MITF: variants seen among roughly 807,000 people sequenced by gnomAD.
The protein encoded by MITF is melanocyte inducing transcription factor.
In MITF, 17 loss-of-function variants were observed where a neutral mutation model predicts 60.5. The observed-to-expected ratio is 0.28, with a 90% CI of 0.19 to 0.42. The LOEUF is 0.42. Ranked by LOEUF, MITF falls within the 10% of genes least tolerant of loss-of-function variation. MITF has a pLI of 1.00. For missense variants in MITF, 622 were observed against 683.5 expected, an observed-to-expected ratio of 0.91 and a Z score of 1.00; for synonymous variants, 260 against 248.5, an observed-to-expected ratio of 1.05 and a Z score of -0.43.
At chr3:69,893,191 G>T (rs1413629373) in intron 2 of MITF, among the ~76,000 whole-genome samples, 2 of 152,170 alleles carry the variant, frequency 1.3e-5, no homozygotes, top group Non-Finnish European at 2.9e-5. Context: ...GAGAAGAAAA[G>T]GAGAAATCAC....
chr3:69,889,025 G>GTTTTTTTTTTTTTTTT (rs4057977), intron 2 of MITF, among the ~76,000 whole-genome samples: 2 of 58,816 alleles, frequency 3.4e-5, no homozygotes, highest in Admixed American at 2.2e-4. Flanking sequence ...ATAGCCTTTG[G>GTTTTTTTTTTTTTTTT]TTTTTTTTTT....
At chr3:69,768,427 C>T (rs2062336074) in intron 1 of MITF, among the ~76,000 whole-genome samples, 13 of 152,158 alleles carry the variant, frequency 8.5e-5, no homozygotes, top group Admixed American at 8.5e-4. Context: ...ATGAGGATTC[C>T]CATAAGTAAA....
At chr3:69,775,386 A>G (rs1025876428) in intron 1 of MITF, among the ~76,000 whole-genome samples, 5 of 152,170 alleles carry the variant, frequency 3.3e-5, no homozygotes, top group African/African-American at 9.7e-5. Flanking sequence ...AGCTGAGGGT[A>G]ACAACTGTTA....
chr3:69,815,989 C>A (rs1013185433), intron 1 of MITF, among the ~76,000 whole-genome samples: 10 of 152,142 alleles, frequency 6.6e-5, no homozygotes, highest in Admixed American at 5.2e-4. Context: ...CTCTACAGAA[C>A]ACTCCTGGTG....
intron 5 of MITF, among the ~76,000 whole-genome samples, chr3:69,941,696 G>C (rs974073024): frequency 6.6e-6 from 1 of 152,124 alleles, no homozygotes; most frequent in Admixed American, 6.6e-5. Flanking sequence ...GAAAAAGTTG[G>C]TTCAGTTTTT....
At chr3:69,960,142 AC>A (rs79294064) in intron 9 of MITF, among the ~76,000 whole-genome samples, 8,025 of 152,238 alleles carry the variant, frequency 0.053, 485 homozygotes, top group African/African-American at 0.15. Context: ...TACTGACTAT[AC>A]CACGTTAAAC....
intron 1 of MITF, among the ~76,000 whole-genome samples, chr3:69,796,233 G>T (rs1167351905): frequency 6.6e-6 from 1 of 151,992 alleles, no homozygotes; most frequent in African/African-American, 2.4e-5. Context: ...TGCCTGCCTC[G>T]GCCTCCTAAA....
At chr3:69,862,988 C>G (rs1483555567) in intron 1 of MITF, among the ~76,000 whole-genome samples, 3 of 151,968 alleles carry the variant, frequency 2.0e-5, no homozygotes, top group Non-Finnish European at 4.4e-5. Context: ...ATCTCTCTTT[C>G]CCTCTGTGTG....
At chr3:69,821,690 T>TAAAAAAAA (rs72371556) in intron 1 of MITF, among the ~76,000 whole-genome samples, 3 of 113,232 alleles carry the variant, frequency 2.6e-5, no homozygotes, top group Non-Finnish European at 5.3e-5. Flanking sequence ...AAAAAAAAAC[T>TAAAAAAAA]AAAAAAAAAA....
At chr3:69,845,847 C>T (rs1334879723) in intron 1 of MITF, among the ~76,000 whole-genome samples, 5 of 152,130 alleles carry the variant, frequency 3.3e-5, no homozygotes, top group Non-Finnish European at 7.3e-5. Flanking sequence ...CTTTAATGTC[C>T]CTCTTAGAGC....
intron 1 of MITF, among the ~76,000 whole-genome samples, chr3:69,785,271 A>AAGCAGCAGC (rs35669744): frequency 6.6e-6 from 1 of 151,250 alleles, no homozygotes; most frequent in African/African-American, 2.4e-5. Context: ...AAATAACAGC[A>AAGCAGCAGC]AGCAGCAGCA....
intron 2 of MITF, among the ~76,000 whole-genome samples, chr3:69,907,185 T>C (rs890953559): frequency 1.3e-5 from 2 of 152,156 alleles, no homozygotes; most frequent in Non-Finnish European, 2.9e-5. Flanking sequence ...ATGAAAGGGA[T>C]TCAAACTTGA....
At chr3:69,779,162 C>G (rs1437487895) in intron 1 of MITF, 1 of 152,190 alleles carries the variant, frequency 6.6e-6, no homozygotes, top group African/African-American at 2.4e-5. Flanking sequence ...AGCTAACAGT[C>G]ATTCTGAGGC....
rs558477464 is a variant in MITF, at chr3:69,873,218, C to T, written c.105-5916C>T. ...GTTACACTCCCAGCTATTTTAAGTA[C>T]GAGGGATGATATAGTTTCTTATTAG... On this transcript the variant is annotated intron_variant, in intron 1 of 9. Coordinates refer to ENST00000352241, the MANE Select transcript of MITF (RefSeq NM_001354604.2). 9.2e-5 allele frequency among the ~76,000 whole-genome samples: 14 copies of T among 152,080 alleles called. 1 individual carries two copies. Among genetic ancestry groups the T allele is most frequent in the East Asian group, 1.9e-4 (1 of 5,164 alleles).
chr3:69,809,372 A>T (rs971635231), intron 1 of MITF, among the ~76,000 whole-genome samples: 2 of 152,162 alleles, frequency 1.3e-5, no homozygotes, highest in Non-Finnish European at 2.9e-5. Flanking sequence ...AGCAGGTCCA[A>T]GATATCATTT....
At chr3:69,939,277 TC>T (rs2065915980) in intron 4 of MITF, 96 bp downstream of exon 4, 3 of 1,129,088 alleles carry the variant, frequency 2.7e-6, no homozygotes, top group East Asian at 2.5e-5. Flanking sequence ...AGCATTTTTT[TC>T]CCCCATTGTT....
intron 6 of MITF, 104 bp from the exon 7 acceptor site, chr3:69,951,707 AG>A: frequency 1.2e-6 from 1 of 847,722 alleles, no homozygotes; most frequent in African/African-American, 1.7e-5. Flanking sequence ...CTTAGAGTCA[AG>A]TCAAATAAGC....
chr3:69,844,238 A>AACCAAAACAGCATGGTATTGGT (rs2063691272), intron 1 of MITF, among the ~76,000 whole-genome samples: 2 of 152,192 alleles, frequency 1.3e-5, no homozygotes, highest in Non-Finnish European at 2.9e-5. Flanking sequence ...GAACTATAGT[A>AACCAAAACAGCATGGTATTGGT]ACCAAAACAG....
At chr3:69,838,024 G>A (rs2063566517) in intron 1 of MITF, among the ~76,000 whole-genome samples, 1 of 152,096 alleles carries the variant, frequency 6.6e-6, no homozygotes, top group Admixed American at 6.5e-5. Context: ...CTTACAGAAT[G>A]GATTAGATGG....
Sources: allele counts gnomAD v4.1 joint callset (sites outside exome capture counted in the v4.1 genomes callset), GRCh38; gene constraint gnomAD v4.1.1; transcripts MANE v1.5; gene names NCBI Gene and HGNC (gene_info 2026-07-23, HGNC 2026-07-21).